The following TP73 variants were observed in gnomAD, a reference collection of about 807,000 sequenced individuals.
The protein encoded by TP73 is p53-like transcription factor.
Under a neutral mutation model 62.5 loss-of-function variants are expected in TP73, and 25 were observed. The ratio of observed to expected loss-of-function variants is 0.40; its 90% CI spans 0.29 to 0.56. TP73 has a LOEUF of 0.56. Ranked by LOEUF, TP73 falls within the 20% of genes least tolerant of loss-of-function variation. The pLI is 0.46. For missense variants in TP73, 754 were observed against 913.3 expected (o/e 0.83, Z 2.25); for synonymous variants, 423 against 377.5 (o/e 1.12, Z -1.40).
chr1:3,727,432 C>A (rs1033178092), intron 7 of TP73, 196 bp from the exon 8 acceptor site: 2 of 961,186 alleles, frequency 2.1e-6, no homozygotes, highest in Middle Eastern at 3.3e-4. Flanking sequence ...GAGTCCCCGG[C>A]GAGGTCTCAG....
chr1:3,663,802 G>A lies in TP73; in HGVS notation c.-34+11161G>A, dbSNP rs1456886174. Among the ~76,000 whole-genome samples, 1 of 152,204 alleles carries A rather than the reference G, an allele frequency of 6.6e-6. No individual in the cohort carries two copies. The highest frequency in any genetic ancestry group is 1.5e-5 in the Non-Finnish European group (1 of 68,032). On this transcript the variant is annotated intron_variant, in intron 1 of 13. Transcript: ENST00000378295. This position sits in a 1 kb window ranked among gnomAD's most constrained non-coding sequence, Gnocchi z 4.7. ...CCTTTCTTCTGGGTCTAGGGCACAT[G>A]AGGGTCTGTGACCTAATTCAGAGGA...
At chr1:3,725,747 G>GTGGGTGGA (rs1641475088) in intron 6 of TP73, among the ~76,000 whole-genome samples, 1 of 36,712 alleles carries the variant, frequency 2.7e-5, no homozygotes. Flanking sequence ...AAATGGGGGA[G>GTGGGTGGA]TGGATGGATG....
rs763153743 is a variant in TP73, at chr1:3,732,963, CGCGGCGGCCCAG to C, written c.1806_1817del (p.Gly603_Pro606del). Reference sequence around the variant, plus strand: ...GCGCCACACCATCACCATCCCCAACCGCGGCGGCCCAGGCGGCGGCCCTGACGAGTGGGCGGA... The same window carrying C: ...GCGCCACACCATCACCATCCCCAACCGCGGCGGCCCTGACGAGTGGGCGGA... On this transcript the variant is annotated inframe_deletion, in exon 14 of 14. Transcript: ENST00000378295. 1.2e-5 allele frequency: 20 copies of C among 1,605,636 alleles called. No individual in the cohort carries two copies. The highest frequency in any genetic ancestry group is 4.4e-5 in the South Asian group (4 of 90,410).
intron 5 of TP73, 64 bp from the exon 6 acceptor site, chr1:3,723,290 C>T: frequency 7.3e-7 from 1 of 1,373,206 alleles, no homozygotes; most frequent in South Asian, 1.2e-5. Flanking sequence ...GGGCACCTCT[C>T]TGCACCTAGC....
At chr1:3,688,320 G>A (rs1268690615) in intron 3 of TP73, among the ~76,000 whole-genome samples, 1 of 152,204 alleles carries the variant, frequency 6.6e-6, no homozygotes, top group Non-Finnish European at 1.5e-5. Context: ...CTTCCATGCG[G>A]TGGGATGAAG....
rs932641695 is a variant in TP73, at chr1:3,659,833, A to G, written c.-34+7192A>G. Among the ~76,000 whole-genome samples the G allele has an allele frequency of 4.7e-5, 6 of 128,180 alleles. No homozygotes were observed. The Admixed American group carries it at 5.0e-4, about 11-fold the overall frequency. 84.1% of individuals were successfully genotyped at this position (128,180 alleles called of 152,430 possible). A position where few individuals can be genotyped will look rare whatever the true frequency, so the allele number is the denominator to read the frequency against. On this transcript the variant is annotated intron_variant, in intron 1 of 13. Transcript: ENST00000378295. ...GAGTTACAGGCATGCACCACCACTA[A>G]TTTTTGTATTATTATTACTTTTTTT...
At chr1:3,691,326 G>A (rs1388246682) in intron 3 of TP73, among the ~76,000 whole-genome samples, 1 of 152,170 alleles carries the variant, frequency 6.6e-6, no homozygotes, top group African/African-American at 2.4e-5. Context: ...TGCCCCAGCT[G>A]CCAGGAGCTC....
chr1:3,707,382 C>T (rs1336232465), intron 3 of TP73, among the ~76,000 whole-genome samples, 167 bp from the exon 4 acceptor site: 2 of 152,162 alleles, frequency 1.3e-5, no homozygotes, highest in African/African-American at 4.8e-5. Flanking sequence ...GTCAGTTTAT[C>T]CCAATGCAAG....
At chr1:3,703,654 C>T (rs1639393345) in intron 3 of TP73, among the ~76,000 whole-genome samples, 1 of 152,246 alleles carries the variant, frequency 6.6e-6, no homozygotes, top group South Asian at 2.1e-4. Context: ...AACACGTTGT[C>T]GTGGGTCTGC....
intron 1 of TP73, among the ~76,000 whole-genome samples, chr1:3,664,075 C>T (rs1017521305): frequency 6.6e-6 from 1 of 152,208 alleles, no homozygotes; most frequent in Non-Finnish European, 1.5e-5. Flanking sequence ...CACCTGAGAA[C>T]CCCCAAGGGT....
chr1:3,660,982 G>A (rs1557481645), intron 1 of TP73, among the ~76,000 whole-genome samples: 1 of 152,162 alleles, frequency 6.6e-6, no homozygotes, highest in Non-Finnish European at 1.5e-5. Flanking sequence ...ATAATTTCTG[G>A]AACTCTTATA....
chr1:3,686,699 C>T (rs576856210), intron 3 of TP73, among the ~76,000 whole-genome samples: 5 of 152,184 alleles, frequency 3.3e-5, no homozygotes, highest in African/African-American at 1.2e-4. Flanking sequence ...ACCCCGTGGT[C>T]ACTGTGGCCA....
intron 1 of TP73, among the ~76,000 whole-genome samples, chr1:3,667,701 G>A (rs1187643543): frequency 6.8e-6 from 1 of 148,100 alleles, no homozygotes; most frequent in Non-Finnish European, 1.5e-5. Context: ...AGTGAGCCAA[G>A]ATGGAGCCAC....
At chr1:3,711,371 C>T (rs1263278722) in intron 4 of TP73, among the ~76,000 whole-genome samples, 1 of 152,222 alleles carries the variant, frequency 6.6e-6, no homozygotes, top group Non-Finnish European at 1.5e-5. Context: ...GCTGGCCACT[C>T]CTGTCCTGGG....
At chr1:3,690,794 C>G in intron 3 of TP73, 1 of 1,526,732 alleles carries the variant, frequency 6.5e-7, no homozygotes, top group East Asian at 2.5e-5. Flanking sequence ...CCCGCTCGGT[C>G]CACGCTGCCG....
intron 4 of TP73, among the ~76,000 whole-genome samples, chr1:3,710,838 C>T (rs9787049): frequency 0.29 from 44,174 of 152,150 alleles, 6,702 homozygotes; most frequent in East Asian, 0.37. Flanking sequence ...CACAGGCATG[C>T]GTGTACATGC....
intron 1 of TP73, among the ~76,000 whole-genome samples, chr1:3,653,817 A>G (rs1644809288): frequency 6.6e-6 from 1 of 152,176 alleles, no homozygotes; most frequent in Admixed American, 6.5e-5. Context: ...AGAACAGGAC[A>G]CGGTGTTTGA....
intron 10 of TP73, chr1:3,729,751 A>G: frequency 1.3e-6 from 1 of 742,578 alleles, no homozygotes; most frequent in Non-Finnish European, 2.3e-6. Flanking sequence ...CCAAGACCAG[A>G]GTCCGATTCC....
At chr1:3,727,262 C>T in intron 7 of TP73, 38 bp downstream of exon 7, 1 of 1,583,830 alleles carries the variant, frequency 6.3e-7, no homozygotes, top group Non-Finnish European at 8.6e-7. Context: ...TGGGACAGGG[C>T]TGGGCAGGCA....
Sources: allele counts gnomAD v4.1 joint callset (sites outside exome capture counted in the v4.1 genomes callset), GRCh38; gene constraint gnomAD v4.1.1; non-coding constraint Gnocchi (gnomAD v3.1); transcripts MANE v1.5; gene names NCBI Gene and HGNC (gene_info 2026-07-23, HGNC 2026-07-21).